Variants in RACGAP1 observed in about 807,000 individuals in gnomAD.
RACGAP1 encodes Rac GTPase activating protein 1, also known as rac GTPase-activating protein 1.
In RACGAP1, 30 loss-of-function variants were observed where a neutral mutation model predicts 78.1. The ratio of observed to expected loss-of-function variants is 0.38; its 90% CI spans 0.29 to 0.52. The LOEUF is 0.52. Among genes scored for constraint, RACGAP1 ranks in the 20% least tolerant of loss-of-function variants. The probability of loss-of-function intolerance (pLI) is 0.82; values close to 1 mark genes in which losing one functional copy is unlikely to be tolerated. For synonymous variants in RACGAP1, 231 were observed against 264.8 expected (o/e 0.87, Z 1.24); for missense variants, 587 against 777.1 (o/e 0.76, Z 2.91).
chr12:49,991,457 T>TTTTATATATA (rs1345935711), intron 15 of RACGAP1, among the ~76,000 whole-genome samples: 7 of 27,402 alleles, frequency 2.6e-4, no homozygotes, highest in African/African-American at 5.8e-4. Flanking sequence ...ATTTAAACTA[T>TTTTATATATA]TATATATATA....
At chr12:50,016,240 G>A (rs1489068739) in intron 2 of RACGAP1, among the ~76,000 whole-genome samples, 4 of 152,082 alleles carry the variant, frequency 2.6e-5, no homozygotes, top group Admixed American at 6.6e-5. Context: ...AAAATTAGCC[G>A]GGCGTGGTGG....
At chr12:50,021,907 C>A (rs553810937) in intron 1 of RACGAP1, among the ~76,000 whole-genome samples, 1 of 152,358 alleles carries the variant, frequency 6.6e-6, no homozygotes, top group African/African-American at 2.4e-5. Context: ...CCAGCTTCTG[C>A]TTCACTGTAT....
chr12:50,032,571 C>A (rs1457971738), intron 1 of RACGAP1, among the ~76,000 whole-genome samples: 1 of 107,452 alleles, frequency 9.3e-6, no homozygotes, highest in Non-Finnish European at 1.7e-5. Context: ...GTGTGTGAAG[C>A]GGGGTGGCGT....
In RACGAP1 at chr12:49,990,987, G is replaced by A. The variant is rs561169848; in HGVS notation, c.1715-195C>T. 1.1e-4 allele frequency among the ~76,000 whole-genome samples: 16 copies of A among 152,200 alleles called. No individual in the cohort carries two copies. In the South Asian group the frequency reaches 2.7e-3, roughly 26 times the overall value. The stretch of plus-strand genomic sequence containing the variant: ...TTTGAACTCAATGAATAGCTGACAC[G>A]TCCTGATTTAGGCCATTCTCTAACT... On this transcript the variant is annotated intron_variant, in intron 15 of 16. Transcript: ENST00000312377.
intron 2 of RACGAP1, among the ~76,000 whole-genome samples, chr12:50,011,383 C>T (rs1461525527): frequency 6.7e-6 from 1 of 148,854 alleles, no homozygotes; most frequent in Non-Finnish European, 1.5e-5. Flanking sequence ...GGTGGATGCA[C>T]AAACCTGATT....
chr12:50,018,080 C>T (rs1949778764), intron 1 of RACGAP1, among the ~76,000 whole-genome samples: 1 of 151,222 alleles, frequency 6.6e-6, no homozygotes, highest in Non-Finnish European at 1.5e-5. Context: ...ATCGCTTGAA[C>T]CTGGGAGGCA....
At chr12:50,003,484 G>C (rs1948804774) in intron 5 of RACGAP1, among the ~76,000 whole-genome samples, 1 of 152,214 alleles carries the variant, frequency 6.6e-6, no homozygotes, top group Non-Finnish European at 1.5e-5. Context: ...AATCTGAACA[G>C]AAAACTCCTA....
chr12:50,006,480 A>G lies in RACGAP1; in HGVS notation c.242T>C (p.Val81Ala), dbSNP rs760578582. ...AGCTCTCTGTCTCCGTTTGATCTCT[A>G]CATCCACCTGATTACGTGCATGCTT... ...KLKHARNQVDVEIKRRQRAEA... is the reference protein window; with the variant it reads ...KLKHARNQVDAEIKRRQRAEA... The change falls in exon 3 of 17, where the codon GTA (valine) becomes GCA (alanine). Residue 81 changes from valine to alanine, a missense_variant. Coordinates refer to ENST00000312377, the MANE Select transcript of RACGAP1 (RefSeq NM_001319999.2). 3.7e-6 allele frequency: 6 copies of G among 1,614,160 alleles called. No individual in the cohort carries two copies. Among genetic ancestry groups the G allele is most frequent in the Non-Finnish European group, 5.1e-6 (6 of 1,180,028 alleles).
chr12:50,030,079 T>G (rs1244556335), upstream of RACGAP1, among the ~76,000 whole-genome samples: 3 of 152,084 alleles, frequency 2.0e-5, no homozygotes, highest in Non-Finnish European at 4.4e-5. Flanking sequence ...AAGACCATCC[T>G]GGGGAATATA....
At chr12:50,004,597 A>G (rs1948865618) in intron 4 of RACGAP1, among the ~76,000 whole-genome samples, 1 of 152,220 alleles carries the variant, frequency 6.6e-6, no homozygotes, top group Non-Finnish European at 1.5e-5. Flanking sequence ...CCGAGTTTGT[A>G]TTACAGGCTA....
intron 4 of RACGAP1, 85 bp from the exon 5 acceptor site, chr12:50,004,389 C>A: frequency 6.7e-7 from 1 of 1,487,794 alleles, no homozygotes; most frequent in Non-Finnish European, 9.1e-7. Flanking sequence ...TCCTACTGGT[C>A]AGGTAACATC....
chr12:50,014,400 T>A (rs1949531022), intron 2 of RACGAP1, among the ~76,000 whole-genome samples: 1 of 152,090 alleles, frequency 6.6e-6, no homozygotes, highest in Non-Finnish European at 1.5e-5. Flanking sequence ...CACCACCCCA[T>A]CTCAATTCTC....
intron 1 of RACGAP1, chr12:50,017,229 CAT>C (rs773088821): frequency 1.5e-5 from 5 of 327,976 alleles, no homozygotes; most frequent in Non-Finnish European, 2.2e-5. Context: ...GATGACGTCA[CAT>C]GAGTGATTAA....
rs751198254 is a variant in RACGAP1, at chr12:49,994,221, C to G, written c.1249G>C (p.Ala417Pro). The G allele has an allele frequency of 3.1e-6, 5 of 1,614,098 alleles. No homozygotes were observed. In the Admixed American group the frequency reaches 8.3e-5, roughly 27 times the overall value. Residue 417 changes from alanine (A) to proline (P), a missense_variant, in exon 12 of 17, where the codon GCT (alanine) becomes CCT (proline). Transcript: ENST00000312377. Reference protein sequence around the residue: ...PLLSKVDDIHAICSLLKDFLR... With the variant: ...PLLSKVDDIHPICSLLKDFLR... ...AAGTCTTTTAGAAGGCTACAGATAGCATGGATATCATCCACTTTGCTGAGG... is the reference window on the plus strand; with the variant it reads ...AAGTCTTTTAGAAGGCTACAGATAGGATGGATATCATCCACTTTGCTGAGG...
At chr12:50,024,220 C>T (rs1675199819) in intron 1 of RACGAP1, among the ~76,000 whole-genome samples, 1 of 151,660 alleles carries the variant, frequency 6.6e-6, no homozygotes, top group Non-Finnish European at 1.5e-5. Flanking sequence ...TTTATCACAG[C>T]AGAATTTACA....
upstream of RACGAP1, among the ~76,000 whole-genome samples, chr12:50,026,975 GC>G: frequency 6.6e-6 from 1 of 152,198 alleles, no homozygotes; most frequent in African/African-American, 2.4e-5. Flanking sequence ...ACTCCACCTG[GC>G]CTTGAACAAT....
At chr12:50,008,169 GAAAAAAA>G (rs71441313) in intron 2 of RACGAP1, among the ~76,000 whole-genome samples, 218 of 60,680 alleles carry the variant, frequency 3.6e-3, no homozygotes, top group African/African-American at 0.016. Flanking sequence ...TGAGAAATGT[GAAAAAAA>G]AAAAAAAAAA....
chr12:50,011,827 G>A lies in RACGAP1; in HGVS notation c.85+4804C>T, dbSNP rs1230757519. Among the ~76,000 whole-genome samples the A allele has an allele frequency of 4.6e-5, 7 of 151,566 alleles. 1 individual carries two copies. The highest frequency in any genetic ancestry group is 1.7e-4 in the African/African-American group (7 of 41,260). On this transcript the variant is annotated intron_variant, in intron 2 of 16. Transcript: ENST00000312377. The stretch of plus-strand genomic sequence containing the variant: ...AAATTAGCTGAGCGTGGTGGCGGGC[G>A]CCTATAGTCCCAGCTACTTGGGAGG...
chr12:49,989,962 G>A lies in RACGAP1; in HGVS notation c.*306C>T, dbSNP rs1325003937. On this transcript the variant is annotated 3_prime_UTR_variant, in exon 17 of 17. Coordinates refer to ENST00000312377, the MANE Select transcript of RACGAP1 (RefSeq NM_001319999.2). ...GAGCAGCATTTGGCTTTAAGCCAAA[G>A]GAACAATAACCCCCTTCCCCAAAAA... 3.2e-5 allele frequency: 9 copies of A among 284,440 alleles called. No individual in the cohort carries two copies. Among genetic ancestry groups the A allele is most frequent in the Non-Finnish European group, 6.6e-6 (1 of 152,032 alleles). 17.6% of individuals were successfully genotyped at this position (284,440 alleles called of 1,614,324 possible).
Sources: gnomAD v4.1 joint callset for allele counts (sites outside exome capture counted in the v4.1 genomes callset) on GRCh38, gnomAD v4.1.1 for gene constraint, MANE v1.5 for transcripts, NCBI Gene and HGNC (gene_info 2026-07-23, HGNC 2026-07-21) for gene names.